The following KLHL38 variants were observed in gnomAD, a reference collection of about 807,000 sequenced individuals.
KLHL38 encodes the protein kelch like family member 38.
A neutral mutation model predicts 39.6 loss-of-function variants in KLHL38; 38 were observed. That is an observed-to-expected ratio of 0.96 (90% CI 0.74 to 1.26). The LOEUF (loss-of-function observed/expected upper bound fraction) is 1.26. Ranked by LOEUF, KLHL38 falls within the 50% of genes most tolerant of loss-of-function variation. The pLI, the probability that KLHL38 is intolerant of heterozygous loss-of-function variation, is 0.00. For synonymous variants in KLHL38, 322 were observed against 302.2 expected (o/e 1.07, Z -0.68); for missense variants, 803 against 748.1 (o/e 1.07, Z -0.86).
At chr8:123,649,356 G>T (rs1015077172) in intron 2 of KLHL38, among the ~76,000 whole-genome samples, 4 of 152,214 alleles carry the variant, frequency 2.6e-5, no homozygotes, top group Non-Finnish European at 4.4e-5. Context: ...CTCGGAATCT[G>T]CCTGGATGGT....
chr8:123,649,803 T>C (rs7388119), intron 2 of KLHL38, among the ~76,000 whole-genome samples: 133,032 of 152,148 alleles, frequency 0.87, 58,313 homozygotes, highest in African/African-American at 0.92. Context: ...TGAGGACTGA[T>C]GCCCGCCCCT....
In KLHL38 at chr8:123,652,563, C is replaced by G. The variant is rs202091624; in HGVS notation, c.364G>C (p.Ala122Pro). 1.4e-5 allele frequency: 23 copies of G among 1,614,172 alleles called. No individual in the cohort carries two copies. Among genetic ancestry groups the G allele is most frequent in the Non-Finnish European group, 1.9e-5 (22 of 1,180,010 alleles). The part of the protein sequence containing the change: ...SMLQFPKLFE[A>P]CSSYLQSQLA... ...TGGCTCTGCAAGTACGAGGAGCAGG[C>G]CTCAAACAGCTTGGGGAACTGTAGC... The change falls in exon 2 of 4, where the codon GCC (alanine) becomes CCC (proline). Residue 122 changes from alanine to proline, a missense_variant. Physicochemically the swap from Ala to Pro is conservative, Grantham distance 27 (BLOSUM62 -1). Transcript: ENST00000684634.
chr8:123,646,877 G>T, intron 3 of KLHL38, 32 bp downstream of exon 3: 1 of 1,471,770 alleles, frequency 6.8e-7, no homozygotes, highest in Non-Finnish European at 9.4e-7. Context: ...CCAAGTTTGT[G>T]TCACGCCCAG....
chr8:123,646,209 C>G (rs542428036), intron 3 of KLHL38, among the ~76,000 whole-genome samples, 181 bp from the exon 4 acceptor site: 1 of 152,192 alleles, frequency 6.6e-6, no homozygotes, highest in South Asian at 2.1e-4. Flanking sequence ...GGGGCTGGCA[C>G]GCAAATCTGC....
chr8:123,647,852 G>A (rs1056852390), intron 2 of KLHL38, among the ~76,000 whole-genome samples: 3 of 152,194 alleles, frequency 2.0e-5, no homozygotes, highest in South Asian at 2.1e-4. Flanking sequence ...GCCAAGGTGG[G>A]TGGATCATGG....
chr8:123,649,198 T>C (rs1451919077), intron 2 of KLHL38, among the ~76,000 whole-genome samples: 1 of 152,160 alleles, frequency 6.6e-6, no homozygotes, highest in Non-Finnish European at 1.5e-5. Context: ...TTGTTGACTG[T>C]TTTGAAAAAT....
rs1271062362 is a variant in KLHL38 at position 123,644,992 on chromosome 8, G to C, written c.*747C>G. Among the ~76,000 whole-genome samples, 1 of 151,736 alleles carries C rather than the reference G, an allele frequency of 6.6e-6. No individual in the cohort carries two copies. Among genetic ancestry groups the C allele is most frequent in the Non-Finnish European group, 1.5e-5 (1 of 67,962 alleles). On this transcript the variant is annotated 3_prime_UTR_variant, in exon 4 of 4. Coordinates refer to ENST00000684634, the MANE Select transcript of KLHL38 (RefSeq NM_001081675.3). ...TAAATGAAGAAGATTGCTAGAGAGAGAGGAAAACCTAGGGATGAGAGAGAG... is the reference window on the plus strand; with the variant it reads ...TAAATGAAGAAGATTGCTAGAGAGACAGGAAAACCTAGGGATGAGAGAGAG...
chr8:123,649,284 A>G (rs547559877), intron 2 of KLHL38, among the ~76,000 whole-genome samples: 1 of 152,156 alleles, frequency 6.6e-6, no homozygotes, highest in South Asian at 2.1e-4. Flanking sequence ...CCTGGAGGGG[A>G]GCAGAATGTC....
intron 1 of KLHL38, among the ~76,000 whole-genome samples, chr8:123,653,307 A>C (rs1002237669): frequency 6.6e-6 from 1 of 152,194 alleles, no homozygotes; most frequent in Non-Finnish European, 1.5e-5. Flanking sequence ...GCCTTTTTCC[A>C]GATCGATGGC....
Position 123,645,477 on chromosome 8 carries a change from GAGAC to G in KLHL38, c.*258_*261del, listed in dbSNP as rs1554587885. ...AGAGAGAGAGAGAGAGAGAGAGAGA[GAGAC>G]AGACAGAGATAGGGGAGAGAAAGAA... On this transcript the variant is annotated 3_prime_UTR_variant, in exon 4 of 4. Coordinates refer to ENST00000684634, the MANE Select transcript of KLHL38 (RefSeq NM_001081675.3). The G allele has an allele frequency of 4.8e-3, 2,267 of 474,956 alleles. 38 individuals are homozygous for G. The highest frequency in any genetic ancestry group is 0.042 in the African/African-American group (1,818 of 43,570). 29.4% of individuals were successfully genotyped at this position (474,956 alleles called of 1,614,324 possible). A position where few individuals can be genotyped will look rare whatever the true frequency, so the allele number is the denominator to read the frequency against.
intron 2 of KLHL38, 83 bp downstream of exon 2, chr8:123,651,494 G>T: frequency 1.4e-6 from 2 of 1,406,578 alleles, no homozygotes; most frequent in Non-Finnish European, 1.9e-6. Flanking sequence ...ATGTATACAT[G>T]TGCATGTGTG....
rs766677487 is a variant in KLHL38, at chr8:123,646,037, C to T, written c.1457-9G>A. 6.2e-7 allele frequency: 1 copy of T among 1,612,936 alleles called. No homozygotes were observed. Among genetic ancestry groups the T allele is most frequent in the Non-Finnish European group, 8.5e-7 (1 of 1,179,084 alleles). ...AATCCTCCTTGTGTAACCTGAAAAC[C>T]AAATGACACATGGGCAAGCTCAGTG... is the stretch of plus-strand genomic sequence containing the variant. On this transcript the variant is annotated splice_polypyrimidine_tract_variant and intron_variant, in intron 3 of 3. Coordinates refer to ENST00000684634, the MANE Select transcript of KLHL38 (RefSeq NM_001081675.3).
chr8:123,645,404 T>G lies in KLHL38; in HGVS notation c.*335A>C. The G allele has an allele frequency of 3.4e-6, 1 of 293,288 alleles. No individual in the cohort carries two copies. Among genetic ancestry groups the G allele is most frequent in the Non-Finnish European group, 6.3e-6 (1 of 157,816 alleles). 18.2% of individuals were successfully genotyped at this position (293,288 alleles called of 1,614,324 possible). Reference sequence around the variant, plus strand: ...GTGAGCTGAGATAGCACCACTGCACTCCAGCCTGGGCTACAGAGTGAAACT... The same window carrying G: ...GTGAGCTGAGATAGCACCACTGCACGCCAGCCTGGGCTACAGAGTGAAACT... On this transcript the variant is annotated 3_prime_UTR_variant, in exon 4 of 4. Transcript: ENST00000684634.
In KLHL38 at chr8:123,645,695, C is replaced by A; in HGVS notation, c.*44G>T. The A allele has an allele frequency of 6.3e-7, 1 of 1,597,388 alleles. No individual in the cohort carries two copies. The highest frequency in any genetic ancestry group is 8.6e-7 in the Non-Finnish European group (1 of 1,169,482). On this transcript the variant is annotated 3_prime_UTR_variant, in exon 4 of 4. Coordinates refer to ENST00000684634, the MANE Select transcript of KLHL38 (RefSeq NM_001081675.3). Reference sequence around the variant, plus strand: ...TTTGGAGCTGGGTTTGTGTCCCTGGCGACAGAAGGCATTTTGACTAGGGCA... The same window carrying A: ...TTTGGAGCTGGGTTTGTGTCCCTGGAGACAGAAGGCATTTTGACTAGGGCA...
chr8:123,645,068 G>T lies in KLHL38; in HGVS notation c.*671C>A, dbSNP rs938107544. 6.7e-6 allele frequency among the ~76,000 whole-genome samples: 1 copy of T among 149,614 alleles called. No individual in the cohort carries two copies. Among genetic ancestry groups the T allele is most frequent in the Non-Finnish European group, 1.5e-5 (1 of 67,236 alleles). Reference sequence around the variant, plus strand: ...AGAGAGAGAGAGAGGGGCAGAGAGAGGCAGAGAGACAGAGAAGAGAGAGAA... The same window carrying T: ...AGAGAGAGAGAGAGGGGCAGAGAGATGCAGAGAGACAGAGAAGAGAGAGAA... On this transcript the variant is annotated 3_prime_UTR_variant, in exon 4 of 4. Transcript: ENST00000684634.
intron 2 of KLHL38, among the ~76,000 whole-genome samples, chr8:123,647,898 T>G (rs1381216986): frequency 6.6e-6 from 1 of 152,000 alleles, no homozygotes; most frequent in Non-Finnish European, 1.5e-5. Flanking sequence ...GCCAACATGG[T>G]GAAACCCCAT....
At chr8:123,646,186 T>C (rs1443711478) in intron 3 of KLHL38, among the ~76,000 whole-genome samples, 158 bp from the exon 4 acceptor site, 1 of 152,230 alleles carries the variant, frequency 6.6e-6, no homozygotes, top group Non-Finnish European at 1.5e-5. Context: ...AAGGCCTGCT[T>C]TGTGGCAGAG....
intron 2 of KLHL38, among the ~76,000 whole-genome samples, chr8:123,651,330 A>T (rs1449265540): frequency 1.3e-5 from 2 of 152,172 alleles, no homozygotes; most frequent in African/African-American, 4.8e-5. Context: ...ACACGTATGC[A>T]TGTTGGCATC....
At chr8:123,650,761 C>T (rs1379887517) in intron 2 of KLHL38, among the ~76,000 whole-genome samples, 1 of 152,162 alleles carries the variant, frequency 6.6e-6, no homozygotes, top group East Asian at 1.9e-4. Context: ...CCCAACCTGG[C>T]TGCAACTTAG....
Sources: gnomAD v4.1 joint callset for allele counts (sites outside exome capture counted in the v4.1 genomes callset) on GRCh38, gnomAD v4.1.1 for gene constraint, MANE v1.5 for transcripts, NCBI Gene and HGNC (gene_info 2026-07-23, HGNC 2026-07-21) for gene names.